FOXP2: variants seen among roughly 807,000 people sequenced by gnomAD.
FOXP2 encodes forkhead box protein P2.
In FOXP2, 12 loss-of-function variants were observed where a neutral mutation model predicts 115.8. The ratio of observed to expected loss-of-function variants is 0.10; its 90% confidence interval spans 0.07 to 0.17. FOXP2 has a LOEUF of 0.17. Among genes scored for constraint, FOXP2 ranks in the 10% least tolerant of loss-of-function variants. The pLI is 1.00. For missense variants in FOXP2, 629 were observed against 843.5 expected (o/e 0.75, Z 3.15); for synonymous variants, 328 against 297.7 (o/e 1.10, Z -1.05).
intron 2 of FOXP2, among the ~76,000 whole-genome samples, chr7:114,488,848 A>G (rs971213078): frequency 3.9e-5 from 6 of 152,204 alleles, no homozygotes; most frequent in African/African-American, 1.4e-4. Flanking sequence ...AAATTATATT[A>G]CTAAATAACT....
intron 3 of FOXP2, among the ~76,000 whole-genome samples, chr7:114,627,939 C>CAT (rs1171817336): frequency 1.1e-4 from 17 of 150,992 alleles, no homozygotes; most frequent in African/African-American, 2.2e-4. Context: ...CACACACACA[C>CAT]ATATATATAT....
chr7:114,297,542 C>T, intron 2 of FOXP2: 1 of 245,764 alleles, frequency 4.1e-6, no homozygotes, highest in Non-Finnish European at 8.0e-6. Flanking sequence ...ATAATGATTT[C>T]CACTAACCCT....
At chr7:114,410,746 TA>T (rs1271801692), upstream of FOXP2, among the ~76,000 whole-genome samples, 5 of 152,084 alleles carry the variant, frequency 3.3e-5, no homozygotes, top group Admixed American at 2.0e-4. Flanking sequence ...ATGTCTTGGA[TA>T]TGTTATAGCT....
rs190705811 is a variant in FOXP2, at chr7:114,548,591, A to T, written c.258+13885A>T. Among the ~76,000 whole-genome samples the T allele has an allele frequency of 8.5e-5, 13 of 152,350 alleles. No individual in the cohort carries two copies. In the East Asian group the frequency reaches 2.5e-3, roughly 29 times the overall value. On this transcript the variant is annotated intron_variant, in intron 3 of 16. Transcript: ENST00000350908. ...TAGAAATATGCAAACCTGTGTATTA[A>T]TGTGACTAAAGTTCAGTGGGTTATA...
chr7:114,658,049 C>T lies in FOXP2; in HGVS notation c.1267-17C>T. 1.2e-6 allele frequency: 2 copies of T among 1,613,632 alleles called. No homozygotes were observed. The highest frequency in any genetic ancestry group is 1.7e-6 in the Non-Finnish European group (2 of 1,179,636). On this transcript the variant is annotated splice_polypyrimidine_tract_variant and intron_variant, in intron 10 of 16. Coordinates refer to ENST00000350908, the MANE Select transcript of FOXP2 (RefSeq NM_014491.4). ...TTGTCTCTACCTTTTTCCTGCCCTT[C>T]TCTTGGGCCTTTGCAGCTAAATCTG... is the stretch of plus-strand genomic sequence containing the variant.
At chr7:114,131,828 G>A (rs1335665497) in intron 1 of FOXP2, among the ~76,000 whole-genome samples, 1 of 152,132 alleles carries the variant, frequency 6.6e-6, no homozygotes, top group East Asian at 1.9e-4. Context: ...ACATAGGGTA[G>A]TTATATTAGT....
At chr7:114,609,953 G>A (rs1163574452) in intron 3 of FOXP2, among the ~76,000 whole-genome samples, 1 of 152,032 alleles carries the variant, frequency 6.6e-6, no homozygotes, top group Non-Finnish European at 1.5e-5. Context: ...TCTCCGTTTT[G>A]TAAAATGTCA....
At chr7:114,314,332 T>C (rs1797221463) in intron 2 of FOXP2, among the ~76,000 whole-genome samples, 1 of 151,674 alleles carries the variant, frequency 6.6e-6, no homozygotes, top group Non-Finnish European at 1.5e-5. Flanking sequence ...AAAAGCTGTG[T>C]TTGGTAAAAT....
chr7:114,282,962 C>A (rs1488408056), intron 1 of FOXP2, among the ~76,000 whole-genome samples: 3 of 152,148 alleles, frequency 2.0e-5, no homozygotes, highest in Non-Finnish European at 4.4e-5. Context: ...ACTGCTGCCT[C>A]CTGAGAAATC....
chr7:114,234,190 C>T (rs1264113176), intron 1 of FOXP2, among the ~76,000 whole-genome samples: 1 of 152,112 alleles, frequency 6.6e-6, no homozygotes, highest in African/African-American at 2.4e-5. Flanking sequence ...GAGGTTGATA[C>T]ATTTTTATAA....
At chr7:114,506,528 C>A (rs1797826305) in intron 2 of FOXP2, among the ~76,000 whole-genome samples, 1 of 151,512 alleles carries the variant, frequency 6.6e-6, no homozygotes, top group Non-Finnish European at 1.5e-5. Context: ...ACTTTCATGT[C>A]ACCTCTTTGA....
At chr7:114,337,815 G>C (rs1797896393) in intron 2 of FOXP2, among the ~76,000 whole-genome samples, 1 of 151,162 alleles carries the variant, frequency 6.6e-6, no homozygotes, top group African/African-American at 2.4e-5. Flanking sequence ...TATTCTGCCA[G>C]CATGAGCTCG....
chr7:114,503,748 C>G (rs1797671093), intron 2 of FOXP2, among the ~76,000 whole-genome samples: 1 of 151,266 alleles, frequency 6.6e-6, no homozygotes, highest in Non-Finnish European at 1.5e-5. Context: ...TATGAACTTT[C>G]ATATTATTTT....
intron 2 of FOXP2, among the ~76,000 whole-genome samples, chr7:114,438,932 A>T (rs548266699): frequency 1.3e-5 from 2 of 152,310 alleles, no homozygotes; most frequent in African/African-American, 4.8e-5. Flanking sequence ...ACAGAAGTAG[A>T]TGTTAATGTG....
rs188244711 is a variant in FOXP2 at position 114,262,382 on chromosome 7, T to C, written c.-101-25637T>C. 9.2e-5 allele frequency among the ~76,000 whole-genome samples: 14 copies of C among 152,104 alleles called. No homozygotes were observed. The South Asian group carries it at 2.7e-3, about 29-fold the overall frequency. The stretch of plus-strand genomic sequence containing the variant: ...AGGCTTGGAGTGAGCTATGATCACA[T>C]CATTGCACTCCAGCCTAGGTGACAG... On this transcript the variant is annotated intron_variant, in intron 1 of 17. Coordinates refer to the FOXP2 transcript ENST00000634411.
At chr7:114,390,649 G>A (rs1792572131) in intron 2 of FOXP2, among the ~76,000 whole-genome samples, 1 of 151,912 alleles carries the variant, frequency 6.6e-6, no homozygotes, top group Non-Finnish European at 1.5e-5. Flanking sequence ...AACCTCCCTG[G>A]GCTCAGGTAA....
At chr7:114,486,472 C>T (rs1449466535) in intron 2 of FOXP2, among the ~76,000 whole-genome samples, 1 of 148,860 alleles carries the variant, frequency 6.7e-6, no homozygotes, top group East Asian at 1.9e-4. Flanking sequence ...ATCATTCCAC[C>T]CCTGGCCCCT....
At chr7:114,523,477 T>C (rs1431891730) in intron 2 of FOXP2, among the ~76,000 whole-genome samples, 1 of 152,196 alleles carries the variant, frequency 6.6e-6, no homozygotes, top group African/African-American at 2.4e-5. Flanking sequence ...CTCTTTCCTG[T>C]AGATCTGCGG....
chr7:114,086,646 C>A, upstream of FOXP2: 1 of 370,334 alleles, frequency 2.7e-6, no homozygotes, highest in South Asian at 1.9e-5. Flanking sequence ...GCGCGCTACA[C>A]CTCCGCACCC....
Sources: allele counts gnomAD v4.1 joint callset (sites outside exome capture counted in the v4.1 genomes callset), GRCh38; gene constraint gnomAD v4.1.1; transcripts MANE v1.5; gene names NCBI Gene and HGNC (gene_info 2026-07-23, HGNC 2026-07-21).